UGT3A1: variants seen among roughly 807,000 people sequenced by gnomAD.
UGT3A1 encodes the protein UDP glycosyltransferase family 3 member A1, also known as UDP-glycosyltransferase 3A1.
A neutral mutation model predicts 37.6 loss-of-function variants in UGT3A1; 40 were observed. The observed-to-expected ratio is 1.06, with a 90% CI of 0.83 to 1.38. The LOEUF (loss-of-function observed/expected upper bound fraction) is 1.38, where lower values mean the gene tolerates loss of function less well. UGT3A1 is among the 40% of genes most tolerant of loss of function. UGT3A1 has a pLI of 0.00. For synonymous variants in UGT3A1, 256 were observed against 232.3 expected, an observed-to-expected ratio of 1.10 and a Z score of -0.93; for missense variants, 642 against 634.2, an observed-to-expected ratio of 1.01 and a Z score of -0.13.
intron 1 of UGT3A1, among the ~76,000 whole-genome samples, chr5:35,990,571 C>G (rs1397315769): frequency 6.6e-6 from 1 of 152,142 alleles, no homozygotes; most frequent in South Asian, 2.1e-4. Context: ...GACCTGGGTT[C>G]TCTCCTCAGA....
intron 1 of UGT3A1, among the ~76,000 whole-genome samples, chr5:35,998,011 T>G (rs1331548151): frequency 2.6e-5 from 4 of 152,320 alleles, no homozygotes; most frequent in Admixed American, 1.3e-4. Flanking sequence ...TAGAGGATTT[T>G]GGGGCCTGGC....
intron 2 of UGT3A1, among the ~76,000 whole-genome samples, chr5:35,985,027 C>A: frequency 7.2e-6 from 1 of 138,908 alleles, no homozygotes; most frequent in Admixed American, 7.7e-5. Flanking sequence ...TAGACTGAAC[C>A]AATCTACTAT....
chr5:35,973,397 T>C (rs1740131614), intron 2 of UGT3A1, among the ~76,000 whole-genome samples: 1 of 152,144 alleles, frequency 6.6e-6, no homozygotes, highest in Non-Finnish European at 1.5e-5. Flanking sequence ...AAAGTTTGAT[T>C]AGATTGAATT....
chr5:35,962,953 T>G (rs1739650070), intron 4 of UGT3A1: 1 of 702,782 alleles, frequency 1.4e-6, no homozygotes, highest in South Asian at 1.5e-5. Flanking sequence ...TTGCCCATTC[T>G]GAAAGACAGG....
rs1189562313 is a variant in UGT3A1, at chr5:35,951,964, T to C, written c.*2238A>G. ...CACTATGCCAGGTTCTATAACAAGA[T>C]AAATAGGAACCAGTCCCTGTCTTTA... On this transcript the variant is annotated 3_prime_UTR_variant, in exon 7 of 7. Coordinates refer to ENST00000274278, the MANE Select transcript of UGT3A1 (RefSeq NM_152404.4). 3 of 152,214 alleles carry C rather than the reference T, an allele frequency of 2.0e-5. No homozygotes were observed. The highest frequency in any genetic ancestry group is 7.2e-5 in the African/African-American group (3 of 41,454). 9.4% of individuals were successfully genotyped at this position (152,214 alleles called of 1,614,324 possible).
intron 2 of UGT3A1, among the ~76,000 whole-genome samples, chr5:35,988,124 C>G (rs1740795851): frequency 6.6e-6 from 1 of 152,120 alleles, no homozygotes; most frequent in Non-Finnish European, 1.5e-5. Flanking sequence ...TGAAATATGG[C>G]TAAACATTTC....
intron 3 of UGT3A1, among the ~76,000 whole-genome samples, 162 bp from the exon 4 acceptor site, chr5:35,966,079 C>T (rs982717154): frequency 6.6e-6 from 1 of 152,222 alleles, no homozygotes; most frequent in African/African-American, 2.4e-5. Context: ...GCTCTGGTCA[C>T]TCTGGTCCAG....
chr5:35,961,673 T>A (rs968861233), intron 4 of UGT3A1: 1 of 152,188 alleles, frequency 6.6e-6, no homozygotes, highest in African/African-American at 2.4e-5. Context: ...TCTGCCTCTT[T>A]CTTGTGTCCC....
intron 1 of UGT3A1, 101 bp downstream of exon 1, chr5:35,991,046 A>AAATCGCCTGGATAACTCTGATC: frequency 6.2e-7 from 1 of 1,609,692 alleles, no homozygotes; most frequent in Non-Finnish European, 8.5e-7. Flanking sequence ...CCAGCCTGGA[A>AAATCGCCTGGATAACTCTGATC]AATCGCCTGG....
chr5:35,990,935 G>A (rs572568120), intron 1 of UGT3A1: 7 of 1,439,202 alleles, frequency 4.9e-6, no homozygotes, highest in Admixed American at 5.6e-5. Context: ...AGAAAGGAGA[G>A]TGTCTTTTCT....
At chr5:35,984,765 G>A (rs1051873060) in intron 2 of UGT3A1, among the ~76,000 whole-genome samples, 16 of 152,096 alleles carry the variant, frequency 1.1e-4, no homozygotes, top group Admixed American at 3.3e-4. Flanking sequence ...GAGCCACCAC[G>A]CCCAGCCAAT....
rs1740675586 is a variant in UGT3A1 at position 35,985,078 on chromosome 5, AT to A, written c.196+3371del. Among the ~76,000 whole-genome samples the A allele has an allele frequency of 6.4e-5, 7 of 108,878 alleles. No individual in the cohort carries two copies. The South Asian group carries it at 2.2e-3, about 34-fold the overall frequency. The allele number at this position is 108,878 out of a possible 152,430, so 71.4% of individuals were successfully genotyped here. Reference sequence around the variant, plus strand: ...TCTTACCGGAAAATAAACATAAAATATAAAAAAAAAAAAAAAAGAAATTCCA... The same window carrying A: ...TCTTACCGGAAAATAAACATAAAATAAAAAAAAAAAAAAAAAGAAATTCCA... On this transcript the variant is annotated intron_variant, in intron 2 of 6. Transcript: ENST00000274278.
At chr5:35,957,125 AAC>A in intron 5 of UGT3A1, 61 bp downstream of exon 5, 1 of 1,421,322 alleles carries the variant, frequency 7.0e-7, no homozygotes, top group South Asian at 1.2e-5. Flanking sequence ...TAGAGGTCAG[AAC>A]ACTGACGAGC....
chr5:35,977,194 T>G (rs1376009975), intron 2 of UGT3A1, among the ~76,000 whole-genome samples: 1 of 152,132 alleles, frequency 6.6e-6, no homozygotes, highest in Non-Finnish European at 1.5e-5. Context: ...AAAACGGTCA[T>G]AGCAGGTTTA....
intron 2 of UGT3A1, 103 bp downstream of exon 2, chr5:35,988,347 G>T: frequency 1.3e-6 from 1 of 753,712 alleles, no homozygotes; most frequent in Non-Finnish European, 2.1e-6. Context: ...CCCGAAATAA[G>T]ACTAGATTCA....
rs1008290680 is a variant in UGT3A1 at position 35,952,252 on chromosome 5, G to C, written c.*1950C>G. The C allele has an allele frequency of 6.6e-6, 1 of 152,214 alleles. No homozygotes were observed. The highest frequency in any genetic ancestry group is 6.5e-5 in the Admixed American group (1 of 15,284). The allele number at this position is 152,214 out of a possible 1,614,324, so 9.4% of individuals were successfully genotyped here. On this transcript the variant is annotated 3_prime_UTR_variant, in exon 7 of 7. Transcript: ENST00000274278. ...TAAAAACAGCAAAATGTGTTCTGAGGGGGTGTAGCGAACATTTGGAAAAGA... is the reference window on the plus strand; with the variant it reads ...TAAAAACAGCAAAATGTGTTCTGAGCGGGTGTAGCGAACATTTGGAAAAGA...
chr5:35,992,066 T>C (rs1258135455), upstream of UGT3A1, among the ~76,000 whole-genome samples: 2 of 152,240 alleles, frequency 1.3e-5, no homozygotes, highest in African/African-American at 4.8e-5. Flanking sequence ...GTCACCTTTG[T>C]ACTCTCTATC....
intron 3 of UGT3A1, among the ~76,000 whole-genome samples, chr5:35,967,272 C>A (rs1285382219): frequency 6.6e-6 from 1 of 152,162 alleles, no homozygotes; most frequent in African/African-American, 2.4e-5. Context: ...AGTGAGGAAG[C>A]AAGCTTTATG....
chr5:35,953,276 A>G lies in UGT3A1; in HGVS notation c.*926T>C, dbSNP rs944838352. ...TATTGATGACATGATGGAGCAACCA[A>G]CCACAACAGCCCTGAATGGGCTACC... On this transcript the variant is annotated 3_prime_UTR_variant, in exon 7 of 7. Coordinates refer to ENST00000274278, the MANE Select transcript of UGT3A1 (RefSeq NM_152404.4). 1.3e-5 allele frequency: 2 copies of G among 152,378 alleles called. No individual in the cohort carries two copies. The highest frequency in any genetic ancestry group is 4.8e-5 in the African/African-American group (2 of 41,476). 9.4% of individuals were successfully genotyped at this position (152,378 alleles called of 1,614,324 possible).
Sources: allele counts gnomAD v4.1 joint callset (sites outside exome capture counted in the v4.1 genomes callset), GRCh38; gene constraint gnomAD v4.1.1; transcripts MANE v1.5; gene names NCBI Gene and HGNC (gene_info 2026-07-23, HGNC 2026-07-21).